GLTP: variants seen among roughly 807,000 people sequenced by gnomAD.
GLTP encodes the protein glycolipid transfer protein.
In GLTP, 22 loss-of-function variants were observed where a neutral mutation model predicts 24.0. That is an observed-to-expected ratio of 0.92 (90% CI 0.65 to 1.31). GLTP has a LOEUF of 1.31. Among genes scored for constraint, GLTP ranks in the 50% most tolerant of loss-of-function variants. The probability of loss-of-function intolerance (pLI) is 0.00; values close to 1 mark genes in which losing one functional copy is unlikely to be tolerated. For synonymous variants in GLTP, 92 were observed against 115.9 expected, an observed-to-expected ratio of 0.79 and a Z score of 1.33; for missense variants, 224 against 276.6, an observed-to-expected ratio of 0.81 and a Z score of 1.35.
chr12:109,853,286 A>AG (rs1298937270), intron 4 of GLTP, among the ~76,000 whole-genome samples: 3 of 152,186 alleles, frequency 2.0e-5, no homozygotes, highest in African/African-American at 4.8e-5. Context: ...TTTTGTCCTT[A>AG]GGGGGGCGAT....
chr12:109,864,311 G>A (rs1323820902), intron 1 of GLTP, among the ~76,000 whole-genome samples: 1 of 152,218 alleles, frequency 6.6e-6, no homozygotes, highest in Non-Finnish European at 1.5e-5. Flanking sequence ...GCTGAAGTGG[G>A]TTTGGAAGCA....
chr12:109,868,740 T>C (rs1016521083), intron 1 of GLTP, among the ~76,000 whole-genome samples: 32 of 152,272 alleles, frequency 2.1e-4, no homozygotes, highest in Non-Finnish European at 4.1e-4. Context: ...ATAATAAAGT[T>C]CAGTTGTTAA....
intron 1 of GLTP, among the ~76,000 whole-genome samples, chr12:109,862,680 T>G: frequency 6.6e-6 from 1 of 151,792 alleles, no homozygotes; most frequent in African/African-American, 2.4e-5. Flanking sequence ...AGCCCAGGAG[T>G]TCAAGGCTGC....
intron 1 of GLTP, among the ~76,000 whole-genome samples, chr12:109,863,805 A>G (rs1427123195): frequency 6.6e-6 from 1 of 152,074 alleles, no homozygotes; most frequent in African/African-American, 2.4e-5. Flanking sequence ...GTTTTCAACC[A>G]AAGCCTTCCA....
At chr12:109,869,566 C>T (rs1404018899) in intron 1 of GLTP, among the ~76,000 whole-genome samples, 2 of 150,320 alleles carry the variant, frequency 1.3e-5, no homozygotes, top group Admixed American at 1.3e-4. Context: ...AGCGATTCCC[C>T]AGCCTCAGCC....
rs1892739184 is a variant in GLTP, at chr12:109,852,535, G to A, written c.*20C>T. On this transcript the variant is annotated 3_prime_UTR_variant, in exon 5 of 5. Coordinates refer to ENST00000318348, the MANE Select transcript of GLTP (RefSeq NM_016433.4). ...CTCCATGTGGCCACGAGTCGGGGAC[G>A]TGTCCAGCAGTGGGCATGCCTACAC... 2.0e-6 allele frequency: 3 copies of A among 1,536,888 alleles called. No individual in the cohort carries two copies. Among genetic ancestry groups the A allele is most frequent in the Admixed American group, 1.7e-5 (1 of 58,942 alleles).
chr12:109,855,197 G>A lies in GLTP; in HGVS notation c.447+422C>T, dbSNP rs150756982. On this transcript the variant is annotated intron_variant, in intron 4 of 4. Transcript: ENST00000318348. This position sits in a 1 kb window ranked among gnomAD's most constrained non-coding sequence, Gnocchi z 4.1. ...CCCAACACAAGCCACCAAGAACCCA[G>A]AGGGCCGGTGTCCTTTCAGCAGATG... Among the ~76,000 whole-genome samples, 140 of 152,354 alleles carry A rather than the reference G, an allele frequency of 9.2e-4. No individual in the cohort carries two copies. Among genetic ancestry groups the A allele is most frequent in the African/African-American group, 2.6e-3 (107 of 41,580 alleles).
chr12:109,855,524 G>T lies in GLTP; in HGVS notation c.447+95C>A. On this transcript the variant is annotated intron_variant, in intron 4 of 4. Coordinates refer to ENST00000318348, the MANE Select transcript of GLTP (RefSeq NM_016433.4). The surrounding 1 kb of genome is among the most constrained non-coding windows in gnomAD (Gnocchi z 4.1). ...TCCTGAGCCCGAGGGGGTAAACACAGCCTCACAGGCCAGGAGGCCTCGGCT... is the reference window on the plus strand; with the variant it reads ...TCCTGAGCCCGAGGGGGTAAACACATCCTCACAGGCCAGGAGGCCTCGGCT... 3.5e-6 allele frequency: 4 copies of T among 1,145,154 alleles called. No individual in the cohort carries two copies. Among genetic ancestry groups the T allele is most frequent in the Admixed American group, 2.6e-5 (1 of 39,142 alleles). 70.9% of individuals were successfully genotyped at this position (1,145,154 alleles called of 1,614,324 possible).
chr12:109,871,997 C>T (rs1476310439), intron 1 of GLTP, among the ~76,000 whole-genome samples: 7 of 152,232 alleles, frequency 4.6e-5, no homozygotes, highest in Non-Finnish European at 8.8e-5. Context: ...CAATCCTCGT[C>T]CTTCTGGCAG....
intron 1 of GLTP, among the ~76,000 whole-genome samples, chr12:109,873,026 GTTTT>G (rs1868774204): frequency 6.6e-6 from 1 of 152,084 alleles, no homozygotes; most frequent in Non-Finnish European, 1.5e-5. Flanking sequence ...GTTTTGTTTT[GTTTT>G]GTTTTGGTTT....
intron 1 of GLTP, among the ~76,000 whole-genome samples, chr12:109,875,694 C>A (rs1209211486): frequency 6.6e-6 from 1 of 152,196 alleles, no homozygotes; most frequent in Admixed American, 6.5e-5. Context: ...GTAGTAAAAC[C>A]TGTACAACTG....
At chr12:109,874,329 C>G (rs554880039) in intron 1 of GLTP, among the ~76,000 whole-genome samples, 1 of 152,320 alleles carries the variant, frequency 6.6e-6, no homozygotes, top group Admixed American at 6.5e-5. Context: ...GCCACTGCCA[C>G]CCTCCCCCAA....
intron 1 of GLTP, among the ~76,000 whole-genome samples, chr12:109,865,043 C>T (rs1478265144): frequency 6.6e-6 from 1 of 152,138 alleles, no homozygotes; most frequent in Non-Finnish European, 1.5e-5. Flanking sequence ...CCTGTGCCTG[C>T]TCTGAATACA....
chr12:109,875,772 A>G (rs1050763754), intron 1 of GLTP, among the ~76,000 whole-genome samples: 2 of 152,264 alleles, frequency 1.3e-5, no homozygotes, highest in African/African-American at 4.8e-5. Context: ...TCAGGCAGGC[A>G]AGAGGCTGGC....
At chr12:109,860,378 C>A in intron 1 of GLTP, 1 of 214,822 alleles carries the variant, frequency 4.7e-6, no homozygotes, top group South Asian at 8.3e-5. Context: ...GACTCCTGCC[C>A]TCTTAATTTG....
chr12:109,876,936 T>C (rs558003254), intron 1 of GLTP, among the ~76,000 whole-genome samples: 1 of 152,188 alleles, frequency 6.6e-6, no homozygotes, highest in Non-Finnish European at 1.5e-5. Flanking sequence ...CACTGCAACT[T>C]AGGCGTCCCA....
At chr12:109,859,516 C>T (rs1483774353) in intron 1 of GLTP, among the ~76,000 whole-genome samples, 1 of 120,342 alleles carries the variant, frequency 8.3e-6, no homozygotes, top group African/African-American at 3.1e-5. Flanking sequence ...GAGACTCTGT[C>T]TCAAAAAATA....
intron 1 of GLTP, among the ~76,000 whole-genome samples, chr12:109,879,158 T>C (rs7957938): frequency 0.15 from 23,403 of 152,110 alleles, 3,051 homozygotes; most frequent in African/African-American, 0.36. Context: ...CTACCACCCC[T>C]AACAAGCCTT....
At chr12:109,863,043 A>T (rs1868413380) in intron 1 of GLTP, among the ~76,000 whole-genome samples, 1 of 152,190 alleles carries the variant, frequency 6.6e-6, no homozygotes, top group Non-Finnish European at 1.5e-5. Flanking sequence ...CAAGAGTGAA[A>T]TTCCATCTCA....
Sources: gnomAD v4.1 joint callset for allele counts (sites outside exome capture counted in the v4.1 genomes callset) on GRCh38, gnomAD v4.1.1 for gene constraint, Gnocchi (gnomAD v3.1) non-coding constraint, MANE v1.5 for transcripts, NCBI Gene and HGNC (gene_info 2026-07-23, HGNC 2026-07-21) for gene names.